The following SPAG16 variants were observed in gnomAD, a reference collection of about 807,000 sequenced individuals.
SPAG16 encodes the protein sperm-associated antigen 16 protein.
SPAG16 carries 86 observed loss-of-function variants against 80.4 expected under a neutral mutation model. That is an observed-to-expected ratio of 1.07 (90% confidence interval 0.90 to 1.28). The LOEUF (loss-of-function observed/expected upper bound fraction) is 1.28, where lower values mean the gene tolerates loss of function less well. Among genes scored for constraint, SPAG16 ranks in the 50% most tolerant of loss-of-function variants. The pLI is 0.00. For missense variants in SPAG16, 870 were observed against 765.3 expected (o/e 1.14, Z -1.61); for synonymous variants, 294 against 265.9 (o/e 1.11, Z -1.03).
chr2:214,292,305 A>C (rs780889627), intron 15 of SPAG16, among the ~76,000 whole-genome samples: 1 of 152,120 alleles, frequency 6.6e-6, no homozygotes, highest in Non-Finnish European at 1.5e-5. Context: ...GGACTTGGAA[A>C]GTTTTGATTT....
chr2:214,326,968 A>T (rs1696542230), intron 15 of SPAG16, among the ~76,000 whole-genome samples: 1 of 149,792 alleles, frequency 6.7e-6, no homozygotes, highest in East Asian at 2.0e-4. Flanking sequence ...AAAAAAAAAA[A>T]AGTCACTAGT....
intron 15 of SPAG16, among the ~76,000 whole-genome samples, chr2:214,307,141 A>G (rs1694973389): frequency 6.6e-6 from 1 of 151,874 alleles, no homozygotes. Flanking sequence ...GAATTTATCC[A>G]TTTCTTCTAC....
intron 1 of SPAG16, among the ~76,000 whole-genome samples, chr2:213,293,856 G>A (rs2062395125): frequency 6.6e-6 from 1 of 152,130 alleles, no homozygotes; most frequent in Non-Finnish European, 1.5e-5. Context: ...CATATACATT[G>A]TGAAATGATT....
At chr2:213,735,431 T>C (rs1308835710) in intron 10 of SPAG16, among the ~76,000 whole-genome samples, 1 of 152,190 alleles carries the variant, frequency 6.6e-6, no homozygotes, top group Non-Finnish European at 1.5e-5. Flanking sequence ...CTCAGTAATA[T>C]AAATTCCAAA....
chr2:213,327,219 A>G (rs73987976), intron 5 of SPAG16, among the ~76,000 whole-genome samples: 2,005 of 151,822 alleles, frequency 0.013, 41 homozygotes, highest in African/African-American at 0.045. Context: ...AATATTATAT[A>G]GTTTAAAATA....
At chr2:213,590,899 C>G (rs1170958248) in intron 10 of SPAG16, among the ~76,000 whole-genome samples, 1 of 152,126 alleles carries the variant, frequency 6.6e-6, no homozygotes, top group Non-Finnish European at 1.5e-5. Flanking sequence ...GGAATCAACT[C>G]AGCTACTCAT....
intron 9 of SPAG16, among the ~76,000 whole-genome samples, chr2:213,392,843 C>G (rs2067830081): frequency 6.7e-6 from 1 of 149,372 alleles, no homozygotes; most frequent in African/African-American, 2.5e-5. Flanking sequence ...GAGACTCTGT[C>G]TCTTAAAAAA....
Position 213,546,228 on chromosome 2 carries a change from G to A in SPAG16, c.1070+56138G>A, listed in dbSNP as rs1575919702. Among the ~76,000 whole-genome samples the A allele has an allele frequency of 2.0e-5, 3 of 151,864 alleles. No homozygotes were observed. The South Asian group carries it at 6.2e-4, about 32-fold the overall frequency. ...TGTATCCCTCTCTGTAAACACTTAG[G>A]CTTGCTCTCTTCTGTTTTGCTAAGT... On this transcript the variant is annotated intron_variant, in intron 10 of 15. Transcript: ENST00000331683.
chr2:213,367,507 T>C (rs1233979007), intron 8 of SPAG16, among the ~76,000 whole-genome samples: 3 of 152,284 alleles, frequency 2.0e-5, no homozygotes, highest in Non-Finnish European at 4.4e-5. Flanking sequence ...GGTATCTCAT[T>C]GTGGTTTGAT....
At chr2:213,980,679 G>A (rs1384785255) in intron 12 of SPAG16, among the ~76,000 whole-genome samples, 1 of 141,044 alleles carries the variant, frequency 7.1e-6, no homozygotes, top group Non-Finnish European at 1.5e-5. Flanking sequence ...GAATATATGT[G>A]TGTATATATA....
At chr2:214,031,697 T>C (rs1224517845) in intron 13 of SPAG16, among the ~76,000 whole-genome samples, 1 of 151,660 alleles carries the variant, frequency 6.6e-6, no homozygotes, top group Non-Finnish European at 1.5e-5. Context: ...ACAGGTTTAA[T>C]TGACTCACAG....
At chr2:214,089,792 T>A (rs2052044591) in intron 13 of SPAG16, among the ~76,000 whole-genome samples, 1 of 152,054 alleles carries the variant, frequency 6.6e-6, no homozygotes. Flanking sequence ...AATTTAGAAG[T>A]CATCACTAAA....
At chr2:213,717,537 C>T (rs1056408711) in intron 10 of SPAG16, among the ~76,000 whole-genome samples, 4 of 151,782 alleles carry the variant, frequency 2.6e-5, no homozygotes, top group Non-Finnish European at 4.4e-5. Context: ...TGACTCAGAA[C>T]GTCCGGAGAC....
chr2:213,976,537 T>C (rs2045417071), intron 12 of SPAG16, among the ~76,000 whole-genome samples: 1 of 152,090 alleles, frequency 6.6e-6, no homozygotes, highest in Admixed American at 6.6e-5. Flanking sequence ...ATAGGGATAT[T>C]AACCTAGATT....
chr2:213,981,061 C>T (rs181709157), intron 12 of SPAG16, among the ~76,000 whole-genome samples: 6 of 152,160 alleles, frequency 3.9e-5, no homozygotes, highest in Admixed American at 2.0e-4. Context: ...CTGGGAAGTT[C>T]GAGATCAAGA....
chr2:213,860,771 G>T (rs62194391), intron 10 of SPAG16, among the ~76,000 whole-genome samples: 52,246 of 151,740 alleles, frequency 0.34, 9,446 homozygotes, highest in South Asian at 0.47. Flanking sequence ...TTCAAAGTTC[G>T]TAAAAACATC....
intron 13 of SPAG16, among the ~76,000 whole-genome samples, chr2:214,096,613 T>C (rs2052609868): frequency 6.6e-6 from 1 of 152,052 alleles, no homozygotes; most frequent in African/African-American, 2.4e-5. Context: ...TTTTTCTCTT[T>C]CTGAAAAACA....
chr2:214,221,500 C>T (rs942551625), intron 15 of SPAG16, among the ~76,000 whole-genome samples: 2 of 152,006 alleles, frequency 1.3e-5, no homozygotes, highest in Admixed American at 6.6e-5. Context: ...ACCTACAAAG[C>T]GGTTAAAGTA....
At chr2:214,044,250 A>G (rs1465560484) in intron 13 of SPAG16, among the ~76,000 whole-genome samples, 1 of 152,220 alleles carries the variant, frequency 6.6e-6, no homozygotes. Context: ...TGTGTTCTAA[A>G]TACTCTAAGT....
Sources: allele counts gnomAD v4.1 joint callset (sites outside exome capture counted in the v4.1 genomes callset), GRCh38; gene constraint gnomAD v4.1.1; transcripts MANE v1.5; gene names NCBI Gene and HGNC (gene_info 2026-07-23, HGNC 2026-07-21).